ZNF804B: variants seen among roughly 807,000 people sequenced by gnomAD.
ZNF804B encodes the protein zinc finger protein 804B.
Under a neutral mutation model 101.4 loss-of-function variants are expected in ZNF804B, and 80 were observed. The observed-to-expected ratio is 0.79, with a 90% confidence interval of 0.66 to 0.95. The LOEUF is 0.95. ZNF804B is among the 40% of genes least tolerant of loss of function. The pLI, the probability that ZNF804B is intolerant of heterozygous loss-of-function variation, is 0.00. For missense variants in ZNF804B, 1,673 were observed against 1,561.9 expected (o/e 1.07, Z -1.20); for synonymous variants, 622 against 558.8 (o/e 1.11, Z -1.59).
At chr7:88,915,384 G>T (rs1792616287) in intron 1 of ZNF804B, among the ~76,000 whole-genome samples, 1 of 152,044 alleles carries the variant, frequency 6.6e-6, no homozygotes, top group South Asian at 2.1e-4. Flanking sequence ...CTCATAAAAT[G>T]CTCTCACAAA....
intron 1 of ZNF804B, among the ~76,000 whole-genome samples, chr7:88,948,713 C>G (rs1323194236): frequency 1.3e-5 from 2 of 151,874 alleles, no homozygotes; most frequent in East Asian, 3.9e-4. Context: ...GAAGTCACCC[C>G]AGGGAAGCTG....
chr7:88,772,618 T>C (rs1226272847), intron 1 of ZNF804B, among the ~76,000 whole-genome samples: 1 of 152,168 alleles, frequency 6.6e-6, no homozygotes, highest in Non-Finnish European at 1.5e-5. Flanking sequence ...TATGACAAAT[T>C]TGGGTACATG....
chr7:89,228,722 C>T (rs36090579), intron 2 of ZNF804B, among the ~76,000 whole-genome samples: 18,629 of 152,244 alleles, frequency 0.12, 1,226 homozygotes, highest in Middle Eastern at 0.25. Flanking sequence ...GATCCCACAC[C>T]GGGGTGCAGG....
intron 2 of ZNF804B, among the ~76,000 whole-genome samples, chr7:89,300,804 G>A (rs1305080624): frequency 6.6e-6 from 1 of 151,812 alleles, no homozygotes; most frequent in Non-Finnish European, 1.5e-5. Flanking sequence ...CAGGCAAAAG[G>A]CTTAATCTGA....
chr7:89,075,963 G>T (rs945326486), intron 1 of ZNF804B, among the ~76,000 whole-genome samples: 2 of 152,148 alleles, frequency 1.3e-5, no homozygotes, highest in Non-Finnish European at 2.9e-5. Flanking sequence ...CTTTGTTTTG[G>T]CCAATTTCAT....
chr7:89,134,087 C>CA, intron 1 of ZNF804B, among the ~76,000 whole-genome samples: 1 of 151,796 alleles, frequency 6.6e-6, no homozygotes, highest in African/African-American at 2.4e-5. Context: ...TTAAGAAAAA[C>CA]AAAAAAAGAA....
chr7:88,926,722 A>G (rs938152086), intron 1 of ZNF804B, among the ~76,000 whole-genome samples: 4 of 152,020 alleles, frequency 2.6e-5, no homozygotes, highest in African/African-American at 9.7e-5. Context: ...TTTCTTAGCT[A>G]GTGTTTCCTA....
chr7:89,086,923 TATACATATGTAACA>T (rs1319748862), intron 1 of ZNF804B, among the ~76,000 whole-genome samples: 1 of 151,908 alleles, frequency 6.6e-6, no homozygotes, highest in Non-Finnish European at 1.5e-5. Flanking sequence ...ATGGCACATG[TATACATATGTAACA>T]AACCTGCACG....
At position 89,150,547 on chromosome 7, in the gene ZNF804B, G is replaced by T. The variant is rs1790858317; in HGVS notation, c.109-67608G>T. ...TTAGGTAGATCATTTAACCCTGTCT[G>T]CATTCCATTTCATCTGGAAAGTGTG... On this transcript the variant is annotated intron_variant, in intron 1 of 3. Transcript: ENST00000333190. Among the ~76,000 whole-genome samples, 3 of 152,154 alleles carry T rather than the reference G, an allele frequency of 2.0e-5. No individual in the cohort carries two copies. The South Asian group carries it at 6.2e-4, about 32-fold the overall frequency.
chr7:88,875,833 T>C (rs2373739), intron 1 of ZNF804B, among the ~76,000 whole-genome samples: 66,792 of 151,892 alleles, frequency 0.44, 16,041 homozygotes, highest in African/African-American at 0.63. Context: ...GTCCTGATAC[T>C]AAAGCTGGGC....
intron 1 of ZNF804B, among the ~76,000 whole-genome samples, chr7:88,871,986 T>G (rs543685882): frequency 6.6e-6 from 1 of 151,902 alleles, no homozygotes; most frequent in Admixed American, 6.6e-5. Flanking sequence ...AAGTGAAAAC[T>G]GAAGTGAAAG....
rs1294116015 is a variant in ZNF804B at position 89,336,069 on chromosome 7, T to C, written c.3087T>C (p.Gly1029=). ...DTDCDNHLSK[G]IIHLVTESQS... ...ATTGTGATAACCATCTTTCTAAAGG[T>C]ATAATTCACCTAGTAACAGAGTCTC... The change falls in exon 4 of 4, where the codon GGT becomes GGC. Residue 1029 remains glycine, a synonymous_variant. Transcript: ENST00000333190. The C allele has an allele frequency of 6.2e-6, 10 of 1,613,910 alleles. No individual in the cohort carries two copies. The East Asian group carries it at 2.0e-4, about 32-fold the overall frequency.
chr7:89,184,359 G>A (rs968237545), intron 1 of ZNF804B, among the ~76,000 whole-genome samples: 7 of 152,160 alleles, frequency 4.6e-5, no homozygotes, highest in African/African-American at 1.7e-4. Context: ...TATAGATTAT[G>A]CAACAGTTAG....
chr7:89,323,701 C>A (rs1203175259), intron 2 of ZNF804B, among the ~76,000 whole-genome samples: 1 of 152,036 alleles, frequency 6.6e-6, no homozygotes, highest in African/African-American at 2.4e-5. Flanking sequence ...GGTAATAAAG[C>A]AGATTCACTC....
At chr7:88,969,252 C>A (rs534490862) in intron 1 of ZNF804B, among the ~76,000 whole-genome samples, 6 of 151,730 alleles carry the variant, frequency 4.0e-5, no homozygotes, top group African/African-American at 1.4e-4. Flanking sequence ...CTTAGTCACT[C>A]TCTTGTTGTT....
At chr7:89,061,510 A>C (rs1355566241) in intron 1 of ZNF804B, among the ~76,000 whole-genome samples, 1 of 152,076 alleles carries the variant, frequency 6.6e-6, no homozygotes, top group Non-Finnish European at 1.5e-5. Flanking sequence ...TGAAATGTTT[A>C]TATTCAAAAC....
At chr7:88,965,491 G>T (rs1793441112) in intron 1 of ZNF804B, among the ~76,000 whole-genome samples, 1 of 151,458 alleles carries the variant, frequency 6.6e-6, no homozygotes, top group African/African-American at 2.4e-5. Flanking sequence ...GTGACAATCA[G>T]TGATGAGGAG....
chr7:88,961,654 A>T (rs758220391), intron 1 of ZNF804B, among the ~76,000 whole-genome samples: 63 of 151,386 alleles, frequency 4.2e-4, no homozygotes, highest in Non-Finnish European at 8.0e-4. Context: ...CTCTTCACAG[A>T]ATTTGCCCTC....
chr7:89,288,431 A>G (rs562783600), intron 2 of ZNF804B, among the ~76,000 whole-genome samples: 2 of 152,318 alleles, frequency 1.3e-5, no homozygotes, highest in African/African-American at 2.4e-5. Context: ...CATCAAAACA[A>G]TAAATACAGC....
Sources: gnomAD v4.1 joint callset for allele counts (sites outside exome capture counted in the v4.1 genomes callset) on GRCh38, gnomAD v4.1.1 for gene constraint, MANE v1.5 for transcripts, NCBI Gene and HGNC (gene_info 2026-07-23, HGNC 2026-07-21) for gene names.